The following SIRT4 variants were observed in gnomAD, a reference collection of about 807,000 sequenced individuals.
The protein encoded by SIRT4 is NAD-dependent protein lipoamidase sirtuin-4, mitochondrial.
SIRT4 carries 23 observed loss-of-function variants against 26.1 expected under a neutral mutation model. The observed-to-expected ratio is 0.88, with a 90% CI of 0.63 to 1.25. SIRT4 has a LOEUF of 1.25. Ranked by LOEUF, SIRT4 falls within the 50% of genes most tolerant of loss-of-function variation. The pLI, the probability that SIRT4 is intolerant of heterozygous loss-of-function variation, is 0.00. For synonymous variants in SIRT4, 155 were observed against 158.4 expected (o/e 0.98, Z 0.16); for missense variants, 361 against 405.4 (o/e 0.89, Z 0.94).
upstream of SIRT4, among the ~76,000 whole-genome samples, chr12:120,298,280 G>A (rs1305758053): frequency 6.7e-6 from 1 of 149,168 alleles, no homozygotes. Flanking sequence ...ACTGACTTTC[G>A]CTGTTGCTGG....
chr12:120,291,798 C>T, the SIRT4 span: 4 of 152,156 alleles, frequency 2.6e-5, no homozygotes, highest in African/African-American at 4.8e-5. Flanking sequence ...CCAATGCCGA[C>T]TATATTTCAA....
At chr12:120,293,232 AAAGC>A in the SIRT4 span, 1 of 152,196 alleles carries the variant, frequency 6.6e-6, no homozygotes, top group Non-Finnish European at 1.5e-5. Flanking sequence ...GCCACTGCGC[AAAGC>A]TAATTTGTTA....
the SIRT4 span, among the ~76,000 whole-genome samples, chr12:120,294,006 C>CTTTTATTTTT: frequency 1.2e-5 from 1 of 84,014 alleles, no homozygotes; most frequent in African/African-American, 4.9e-5. Flanking sequence ...GAGATGTTAT[C>CTTTTATTTTT]TTTTTTTTTT....
chr12:120,308,165 CTTTTTTTT>C (rs10707396), intron 2 of SIRT4, among the ~76,000 whole-genome samples: 1 of 85,012 alleles, frequency 1.2e-5, no homozygotes, highest in Non-Finnish European at 2.3e-5. Flanking sequence ...CCCAAGAAAG[CTTTTTTTT>C]TTTTTTTTTT....
At position 120,303,684 on chromosome 12, in the gene SIRT4, TGAG is replaced by T; in HGVS notation, c.124_126del (p.Glu42del). The T allele has an allele frequency of 1.9e-6, 3 of 1,614,138 alleles. No individual in the cohort carries two copies. The highest frequency in any genetic ancestry group is 2.5e-6 in the Non-Finnish European group (3 of 1,180,024). ...TGCCAGCAAGTCCTCCTCTGGACCC[TGAG>T]AAGGTCAAAGAGTTACAGCGCTTCA... On this transcript the variant is annotated inframe_deletion, in exon 2 of 4. Coordinates refer to ENST00000202967, the MANE Select transcript of SIRT4 (RefSeq NM_012240.3).
chr12:120,305,219 TTTC>T (rs1381375447), intron 2 of SIRT4, among the ~76,000 whole-genome samples: 1 of 129,326 alleles, frequency 7.7e-6, no homozygotes, highest in African/African-American at 3.0e-5. Context: ...TTTCTTTTAT[TTTC>T]TTTTGTGTTT....
chr12:120,294,102 C>T, the SIRT4 span, among the ~76,000 whole-genome samples: 3 of 148,192 alleles, frequency 2.0e-5, no homozygotes, highest in Non-Finnish European at 4.4e-5. Context: ...CTCCCGGATT[C>T]AAGCGATTCT....
At chr12:120,310,864 T>A (rs1592901782) in intron 2 of SIRT4, among the ~76,000 whole-genome samples, 2 of 150,292 alleles carry the variant, frequency 1.3e-5, no homozygotes, top group Non-Finnish European at 1.5e-5. Flanking sequence ...GCCTCCCGAG[T>A]AGCTGGGACT....
the SIRT4 span, chr12:120,291,811 C>A: frequency 1.3e-5 from 2 of 152,242 alleles, no homozygotes; most frequent in South Asian, 2.1e-4. Context: ...TATTTCAAGT[C>A]GTCATGGCGG....
At chr12:120,299,088 G>A (rs557370531), upstream of SIRT4, among the ~76,000 whole-genome samples, 5 of 150,400 alleles carry the variant, frequency 3.3e-5, no homozygotes, top group Non-Finnish European at 5.9e-5. Flanking sequence ...AAAATTAGCC[G>A]GGTGTGGTGG....
intron 2 of SIRT4, among the ~76,000 whole-genome samples, chr12:120,304,829 ATATATATTTTTTTTTT>A (rs1489179524): frequency 0.22 from 6,977 of 31,088 alleles, 342 homozygotes; most frequent in South Asian, 0.49. Context: ...ATATATATAT[ATATATATTTTTTTTTT>A]TTTTTTTTTT....
intron 2 of SIRT4, among the ~76,000 whole-genome samples, chr12:120,312,020 CA>C (rs1872998094): frequency 6.6e-6 from 1 of 151,984 alleles, no homozygotes; most frequent in South Asian, 2.1e-4. Flanking sequence ...CAGTGGCTCA[CA>C]CCTGTAATCC....
chr12:120,292,267 G>A, the SIRT4 span, among the ~76,000 whole-genome samples: 3 of 152,170 alleles, frequency 2.0e-5, no homozygotes, highest in Non-Finnish European at 2.9e-5. Context: ...CAGGGTGGGG[G>A]GAGTTGGGAA....
intron 1 of SIRT4, among the ~76,000 whole-genome samples, chr12:120,302,720 C>CTTTT (rs901345647): frequency 2.9e-5 from 4 of 136,832 alleles, no homozygotes; most frequent in Non-Finnish European, 6.4e-5. Flanking sequence ...TTTTCTTTTT[C>CTTTT]TTTTTTTTTT....
At chr12:120,307,634 G>A (rs1872791759) in intron 2 of SIRT4, among the ~76,000 whole-genome samples, 1 of 152,042 alleles carries the variant, frequency 6.6e-6, no homozygotes, top group East Asian at 1.9e-4. Flanking sequence ...CCGAGGCAGG[G>A]GATCACCTGA....
chr12:120,300,867 G>A (rs775305752), upstream of SIRT4, among the ~76,000 whole-genome samples: 1 of 152,130 alleles, frequency 6.6e-6, no homozygotes, highest in Non-Finnish European at 1.5e-5. Context: ...GCTGCAGAGC[G>A]GCAGTTCTGG....
intron 2 of SIRT4, among the ~76,000 whole-genome samples, chr12:120,304,662 G>T (rs1480814118): frequency 6.7e-6 from 1 of 150,028 alleles, no homozygotes; most frequent in African/African-American, 2.5e-5. Context: ...AAAAAAAAAA[G>T]TTGAGGATGG....
upstream of SIRT4, chr12:120,302,320 T>C (rs1872576630): frequency 6.6e-6 from 1 of 152,178 alleles, no homozygotes; most frequent in Non-Finnish European, 1.5e-5. Flanking sequence ...TGTCCCAAAA[T>C]GCAAATGCAA....
chr12:120,292,421 T>C, the SIRT4 span, among the ~76,000 whole-genome samples: 2 of 151,860 alleles, frequency 1.3e-5, no homozygotes, highest in South Asian at 2.1e-4. Flanking sequence ...GACAAGATGG[T>C]GAAACGGGGT....
Sources: gnomAD v4.1 joint callset for allele counts (sites outside exome capture counted in the v4.1 genomes callset) on GRCh38, gnomAD v4.1.1 for gene constraint, MANE v1.5 for transcripts, NCBI Gene and HGNC (gene_info 2026-07-23, HGNC 2026-07-21) for gene names.